The following FCRLB variants were observed in gnomAD, a reference collection of about 807,000 sequenced individuals.
FCRLB encodes Fc receptor like B, also known as Fc receptor-like B.
FCRLB carries 34 observed loss-of-function variants against 33.6 expected under a neutral mutation model. The ratio of observed to expected loss-of-function variants is 1.01; its 90% CI spans 0.77 to 1.35. The LOEUF is 1.35. FCRLB is among the 40% of genes most tolerant of loss of function. The probability of loss-of-function intolerance (pLI) is 0.00; values close to 1 mark genes in which losing one functional copy is unlikely to be tolerated. For synonymous variants in FCRLB, 280 were observed against 255.9 expected (o/e 1.09, Z -0.90); for missense variants, 560 against 580.2 (o/e 0.97, Z 0.36).
At chr1:161,722,885 A>T in intron 3 of FCRLB, 104 bp from the exon 4 acceptor site, 1 of 1,546,282 alleles carries the variant, frequency 6.5e-7, no homozygotes, top group Non-Finnish European at 8.9e-7. Context: ...GAAGAAGAAA[A>T]ACAGGTTTTG....
chr1:161,724,079 A>C (rs970079877), intron 5 of FCRLB, among the ~76,000 whole-genome samples: 1 of 152,196 alleles, frequency 6.6e-6, no homozygotes, highest in African/African-American at 2.4e-5. Context: ...ATCTGTAAAG[A>C]AGGGACAATA....
intron 7 of FCRLB, 64 bp downstream of exon 7, chr1:161,727,057 C>T: frequency 7.0e-7 from 1 of 1,422,814 alleles, no homozygotes; most frequent in Non-Finnish European, 9.2e-7. Context: ...CGCCTCTCGG[C>T]ACCCACGAAT....
Position 161,727,011 on chromosome 1 carries a change from C to T in FCRLB, c.865+18C>T. Reference sequence around the variant, plus strand: ...GGGGCCGGGTGAGTGCCTGCACACCCTCCCGGACGCCGACCCTGGCGGTCA... The same window carrying T: ...GGGGCCGGGTGAGTGCCTGCACACCTTCCCGGACGCCGACCCTGGCGGTCA... On this transcript the variant is annotated intron_variant, in intron 7 of 7. Transcript: ENST00000367948. 2 of 1,487,730 alleles carry T rather than the reference C, an allele frequency of 1.3e-6. No individual in the cohort carries two copies. Among genetic ancestry groups the T allele is most frequent in the South Asian group, 2.8e-5 (2 of 72,478 alleles). 92.2% of individuals were successfully genotyped at this position (1,487,730 alleles called of 1,614,324 possible). A position where few individuals can be genotyped will look rare whatever the true frequency, so the allele number is the denominator to read the frequency against.
intron 5 of FCRLB, 62 bp downstream of exon 5, chr1:161,723,683 T>C: frequency 3.8e-6 from 6 of 1,572,746 alleles, no homozygotes; most frequent in Non-Finnish European, 5.2e-6. Flanking sequence ...ACTAGTCCTC[T>C]GGTGGGAGGG....
Position 161,726,693 on chromosome 1 carries a change from C to T in FCRLB, c.575-10C>T. 3.8e-6 allele frequency: 6 copies of T among 1,586,230 alleles called. No individual in the cohort carries two copies. Among genetic ancestry groups the T allele is most frequent in the South Asian group, 1.1e-5 (1 of 88,576 alleles). ...CAAGCCGGCGCCGTTGCTCCCCGCC[C>T]TCTCCGTAGAGCTGTTCCGGGCGCC... On this transcript the variant is annotated splice_polypyrimidine_tract_variant and intron_variant, in intron 6 of 7. Transcript: ENST00000367948. This position sits in a 1 kb window ranked among gnomAD's most constrained non-coding sequence, Gnocchi z 5.2.
exon 2 of FCRLB, chr1:161,721,796 G>A (rs6700369): frequency 0.066 from 10,110 of 152,252 alleles, 441 homozygotes; most frequent in East Asian, 0.11. Flanking sequence ...GTAGAGCCCC[G>A]AGGTCAGATC....
At position 161,726,706 on chromosome 1, in the gene FCRLB, T is replaced by A. The variant is rs768797693; in HGVS notation, c.578T>A (p.Leu193Gln). 2 of 1,591,796 alleles carry A rather than the reference T, an allele frequency of 1.3e-6. No individual in the cohort carries two copies. The highest frequency in any genetic ancestry group is 2.7e-5 in the African/African-American group (2 of 74,684). Reference sequence around the variant, plus strand: ...TTGCTCCCCGCCCTCTCCGTAGAGCTGTTCCGGGCGCCGGTGCTGAGGGTG... The same window carrying A: ...TTGCTCCCCGCCCTCTCCGTAGAGCAGTTCCGGGCGCCGGTGCTGAGGGTG... Residue 193 changes from leucine (L) to glutamine (Q), a missense_variant, in exon 7 of 8, where the codon CTG (leucine) becomes CAG (glutamine). Transcript: ENST00000367948. The surrounding 1 kb of genome is among the most constrained non-coding windows in gnomAD (Gnocchi z 5.2).
chr1:161,724,425 T>TAAAAA (rs3039575), intron 5 of FCRLB, among the ~76,000 whole-genome samples: 1 of 112,588 alleles, frequency 8.9e-6, no homozygotes, highest in Non-Finnish European at 1.8e-5. Flanking sequence ...CACTCTCTAC[T>TAAAAA]AAAAAAAAAA....
At chr1:161,727,643 C>T (rs962956842) in exon 8 of FCRLB, 1 of 1,612,706 alleles carries the variant, frequency 6.2e-7, no homozygotes, top group Non-Finnish European at 8.5e-7. Flanking sequence ...ACCCCAGAGA[C>T]CACTCCTGTG....
Position 161,722,546 on chromosome 1 carries a change from G to A in FCRLB, c.-20-107G>A, listed in dbSNP as rs1683404242. 4.8e-6 allele frequency: 5 copies of A among 1,036,590 alleles called. No homozygotes were observed. In the South Asian group the frequency reaches 7.2e-5, roughly 15 times the overall value. 64.2% of individuals were successfully genotyped at this position (1,036,590 alleles called of 1,614,324 possible). ...GGTCTGCTATCTTCAGGAACTAGGA[G>A]TGGGTGGGAGAAGCAGCAATGTCTC... On this transcript the variant is annotated intron_variant, in intron 2 of 7. Coordinates refer to ENST00000367948, the Ensembl canonical transcript of FCRLB.
chr1:161,727,395 G>C (rs769248738), exon 8 of FCRLB: 1 of 1,613,388 alleles, frequency 6.2e-7, no homozygotes, highest in African/African-American at 1.3e-5. Flanking sequence ...CCTCCACCGG[G>C]CTGCAGTTCC....
rs1317655285 is a variant in FCRLB, at chr1:161,725,894, G to A, written c.381G>A (p.Trp127Ter). 1 of 1,614,206 alleles carries A rather than the reference G, an allele frequency of 6.2e-7. No homozygotes were observed. Among genetic ancestry groups the A allele is most frequent in the Non-Finnish European group, 8.5e-7 (1 of 1,180,016 alleles). ...CGCTAGTCCTGCGCTGCCGCGGCTG[G>A]TACGACAAGGTGGTCTACAAGCTTC... Residue 127 changes from tryptophan to a stop codon, truncating the protein, a stop_gained, in exon 6 of 8, where the codon TGG becomes TGA. Coordinates refer to ENST00000367948, the Ensembl canonical transcript of FCRLB. LOFTEE classifies it high-confidence loss of function.
chr1:161,727,438 G>T, exon 8 of FCRLB: 1 of 1,613,284 alleles, frequency 6.2e-7, no homozygotes, highest in Non-Finnish European at 8.5e-7. Flanking sequence ...GGGGCCACCC[G>T]CCTGCGCTCC....
Position 161,726,643 on chromosome 1 carries a change from A to G in FCRLB, c.575-60A>G. On this transcript the variant is annotated intron_variant, in intron 6 of 7. Transcript: ENST00000367948. The surrounding 1 kb of genome is among the most constrained non-coding windows in gnomAD (Gnocchi z 5.2). ...CAAGGAGCCCTCGCGGGAAGCAGGA[A>G]GGAGCGGGGTCGCGGAGCGGTGGAC... 1 of 1,547,940 alleles carries G rather than the reference A, an allele frequency of 6.5e-7. No individual in the cohort carries two copies. Among genetic ancestry groups the G allele is most frequent in the Non-Finnish European group, 8.7e-7 (1 of 1,153,486 alleles).
exon 6 of FCRLB, chr1:161,725,899 A>T (rs1683531645): frequency 1.2e-6 from 2 of 1,614,172 alleles, no homozygotes; most frequent in Non-Finnish European, 1.7e-6. Flanking sequence ...GGCTGGTACG[A>T]CAAGGTGGTC....
chr1:161,725,114 G>A lies in FCRLB; in HGVS notation c.308-707G>A, dbSNP rs530259053. Among the ~76,000 whole-genome samples, 4 of 152,198 alleles carry A rather than the reference G, an allele frequency of 2.6e-5. No homozygotes were observed. In the South Asian group the frequency reaches 6.2e-4, roughly 24 times the overall value. ...TGGGGCAGGAATGAATACTGCCATGGTGAGGGAGAGGTAAGCAGGACCCAG... is the reference window on the plus strand; with the variant it reads ...TGGGGCAGGAATGAATACTGCCATGATGAGGGAGAGGTAAGCAGGACCCAG... On this transcript the variant is annotated intron_variant, in intron 5 of 7. Coordinates refer to ENST00000367948, the Ensembl canonical transcript of FCRLB.
rs975273270 is a variant in FCRLB at position 161,726,643 on chromosome 1, A to C, written c.575-60A>C. ...CAAGGAGCCCTCGCGGGAAGCAGGA[A>C]GGAGCGGGGTCGCGGAGCGGTGGAC... On this transcript the variant is annotated intron_variant, in intron 6 of 7. Coordinates refer to ENST00000367948, the Ensembl canonical transcript of FCRLB. This position sits in a 1 kb window ranked among gnomAD's most constrained non-coding sequence, Gnocchi z 5.2. 7 of 1,547,940 alleles carry C rather than the reference A, an allele frequency of 4.5e-6. No individual in the cohort carries two copies. Among genetic ancestry groups the C allele is most frequent in the Non-Finnish European group, 6.1e-6 (7 of 1,153,486 alleles).
exon 5 of FCRLB, chr1:161,723,409 C>A: frequency 6.2e-7 from 1 of 1,614,194 alleles, no homozygotes; most frequent in Non-Finnish European, 8.5e-7. Context: ...CCACCTTGGA[C>A]CACCATCTTC....
chr1:161,726,928 G>T lies in FCRLB; in HGVS notation c.800G>T (p.Cys267Phe). Residue 267 changes from cysteine (C) to phenylalanine (F), a missense_variant, in exon 7 of 8, where the codon TGC becomes TTC. By Grantham distance (205) the Cys-to-Phe change is radical. Transcript: ENST00000367948. The surrounding 1 kb of genome is among the most constrained non-coding windows in gnomAD (Gnocchi z 5.2). ...GTCGAGGAGCTCGAATCGTACTGGT[G>T]CGAGGCGGCTACCGCCACCCGCAGT... is the stretch of plus-strand genomic sequence containing the variant. 6.4e-7 allele frequency: 1 copy of T among 1,564,408 alleles called. No homozygotes were observed. The highest frequency in any genetic ancestry group is 8.7e-7 in the Non-Finnish European group (1 of 1,154,934).
Sources: gnomAD v4.1 joint callset for allele counts (sites outside exome capture counted in the v4.1 genomes callset) on GRCh38, gnomAD v4.1.1 for gene constraint, Gnocchi (gnomAD v3.1) non-coding constraint, MANE v1.5 for transcripts, NCBI Gene and HGNC (gene_info 2026-07-23, HGNC 2026-07-21) for gene names.